The following SIDT2 variants were observed in gnomAD, a reference collection of about 807,000 sequenced individuals.
SIDT2 encodes SID1 transmembrane family member 2, also known as SID1 transmembrane family, member 2.
In SIDT2, 68 loss-of-function variants were observed where a neutral mutation model predicts 114.4. The ratio of observed to expected loss-of-function variants is 0.59; its 90% CI spans 0.49 to 0.73. SIDT2 has a LOEUF of 0.73. Among genes scored for constraint, SIDT2 ranks in the 30% least tolerant of loss-of-function variants. The pLI, the probability that SIDT2 is intolerant of heterozygous loss-of-function variation, is 0.00. For missense variants in SIDT2, 918 were observed against 1,097.1 expected, an observed-to-expected ratio of 0.84 and a Z score of 2.31; for synonymous variants, 470 against 438.4, an observed-to-expected ratio of 1.07 and a Z score of -0.90.
rs1265612810 is a variant in SIDT2 at position 117,187,706 on chromosome 11, G to T, written c.1159+7G>T. 1 of 1,613,702 alleles carries T rather than the reference G, an allele frequency of 6.2e-7. No individual in the cohort carries two copies. Among genetic ancestry groups the T allele is most frequent in the Admixed American group, 1.7e-5 (1 of 59,990 alleles). On this transcript the variant is annotated splice_region_variant and intron_variant, in intron 12 of 25. Coordinates refer to ENST00000324225, the MANE Select transcript of SIDT2 (RefSeq NM_001040455.2). ...CTCTCTTACGGTTACCAGGGTGAGT[G>T]GGCCAGGCTGGGAGGGGCGGTGTGG...
At chr11:117,193,395 CT>C in intron 23 of SIDT2, 137 bp downstream of exon 23, 1 of 781,870 alleles carries the variant, frequency 1.3e-6, no homozygotes, top group East Asian at 2.5e-5. Context: ...GCTAAAGCCT[CT>C]TGCATGGGCC....
In SIDT2 at chr11:117,189,410, G is replaced by A. The variant is rs2030619944; in HGVS notation, c.1419+9G>A. 2 of 1,613,632 alleles carry A rather than the reference G, an allele frequency of 1.2e-6. No homozygotes were observed. Among genetic ancestry groups the A allele is most frequent in the Non-Finnish European group, 1.7e-6 (2 of 1,179,772 alleles). On this transcript the variant is annotated intron_variant, in intron 15 of 25. Coordinates refer to ENST00000324225, the MANE Select transcript of SIDT2 (RefSeq NM_001040455.2). ...TGATCACCTACCAGACGGTGAGAGG[G>A]CAGGGCAGGTTCACCTTTCCGACAG...
At chr11:117,185,407 T>C (rs911114239) in intron 8 of SIDT2, among the ~76,000 whole-genome samples, 8 of 152,114 alleles carry the variant, frequency 5.3e-5, no homozygotes, top group African/African-American at 1.9e-4. Context: ...ACCTCCTATA[T>C]GCCAGGTGGT....
Position 117,190,490 on chromosome 11 carries a change from C to T in SIDT2, c.1618-133C>T, listed in dbSNP as rs1168366532. On this transcript the variant is annotated intron_variant, in intron 17 of 25. Transcript: ENST00000324225. This position sits in a 1 kb window ranked among gnomAD's most constrained non-coding sequence, Gnocchi z 4.1. ...TGCCAGCCTGCCCAGGCCAGCCCAC[C>T]CCTGCACACCCACACTCGACACATA... 3 of 1,080,150 alleles carry T rather than the reference C, an allele frequency of 2.8e-6. No homozygotes were observed. Among genetic ancestry groups the T allele is most frequent in the Non-Finnish European group, 2.6e-6 (2 of 755,014 alleles). The allele number at this position is 1,080,150 out of a possible 1,614,324, so 66.9% of individuals were successfully genotyped here.
chr11:117,186,755 T>C, intron 10 of SIDT2, 119 bp downstream of exon 10: 1 of 743,056 alleles, frequency 1.3e-6, no homozygotes, highest in East Asian at 3.9e-5. Flanking sequence ...GATGTTCAGA[T>C]GGGGGTAACA....
At chr11:117,182,875 G>T (rs2030349831) in intron 6 of SIDT2, 69 bp downstream of exon 6, 1 of 1,519,480 alleles carries the variant, frequency 6.6e-7, no homozygotes, top group African/African-American at 1.4e-5. Flanking sequence ...CCAAACTTGA[G>T]CTCTTCTTCC....
intron 1 of SIDT2, among the ~76,000 whole-genome samples, chr11:117,180,083 GAC>G (rs1002960283): frequency 2.6e-5 from 4 of 152,210 alleles, no homozygotes; most frequent in African/African-American, 9.6e-5. Context: ...AGTTGAAATA[GAC>G]ACAGCTAGTG....
chr11:117,182,487 A>G, intron 4 of SIDT2, 32 bp from the exon 5 acceptor site: 1 of 1,585,864 alleles, frequency 6.3e-7, no homozygotes, highest in Non-Finnish European at 8.7e-7. Context: ...TCCTCATGAG[A>G]TGGGGCTCTC....
Position 117,193,210 on chromosome 11 carries a change from T to G in SIDT2, c.2163T>G (p.Ile721Met). ...ATTTCGCTTCCTACTTGTTGGCCAT[T>G]GGCATCTGCAACCTGCTCCTTTACT... is the stretch of plus-strand genomic sequence containing the variant. ...PNDFASYLLAIGICNLLLYFA... is the reference protein window; with the variant it reads ...PNDFASYLLAMGICNLLLYFA... The change falls in exon 23 of 26, where the codon ATT (isoleucine) becomes ATG (methionine). Residue 721 changes from isoleucine to methionine, a missense_variant. Ile to Met is a conservative substitution (Grantham distance 10). Coordinates refer to ENST00000324225, the MANE Select transcript of SIDT2 (RefSeq NM_001040455.2). The G allele has an allele frequency of 6.2e-7, 1 of 1,614,096 alleles. No homozygotes were observed. The highest frequency in any genetic ancestry group is 1.7e-5 in the Admixed American group (1 of 60,018).
At chr11:117,189,828 G>T (rs1450023684) in intron 15 of SIDT2, 124 bp from the exon 16 acceptor site, 1 of 825,184 alleles carries the variant, frequency 1.2e-6, no homozygotes, top group Non-Finnish European at 2.0e-6. Context: ...CTGCGGTGCT[G>T]TGTATTCCCA....
chr11:117,179,392 C>T lies in SIDT2; in HGVS notation c.129C>T (p.Val43=). ...TTGAGCGCACCTACGTGGACGAGGT[C>T]AACAGCGAGCTGGTCAACATCTACA... ...AEFERTYVDE[V]NSELVNIYTF... is the part of the protein sequence containing the mutation. The change falls in exon 1 of 26, where the codon GTC becomes GTT. Residue 43 remains valine, a synonymous_variant. Transcript: ENST00000324225. 1 of 1,613,660 alleles carries T rather than the reference C, an allele frequency of 6.2e-7. No homozygotes were observed. Among genetic ancestry groups the T allele is most frequent in the Non-Finnish European group, 8.5e-7 (1 of 1,179,876 alleles).
At position 117,182,766 on chromosome 11, in the gene SIDT2, T is replaced by C. The variant is rs1024180687; in HGVS notation, c.662T>C (p.Met221Thr). The change falls in exon 6 of 26, where the codon ATG becomes ACG. Residue 221 changes from methionine to threonine, a missense_variant. Met to Thr is a moderately conservative substitution (Grantham distance 81, BLOSUM62 -1). Coordinates refer to ENST00000324225, the MANE Select transcript of SIDT2 (RefSeq NM_001040455.2). ...GACAACAACGTAGCCTTCATCGGCA[T>C]GTACCAGACGATGACCAAGAAGGCG... is the stretch of plus-strand genomic sequence containing the variant. ...DLDNNVAFIG[M>T]YQTMTKKAAI... The C allele has an allele frequency of 1.9e-6, 3 of 1,614,186 alleles. No individual in the cohort carries two copies. The highest frequency in any genetic ancestry group is 1.7e-6 in the Non-Finnish European group (2 of 1,180,020).
At chr11:117,184,294 G>A (rs1253934287) in intron 8 of SIDT2, among the ~76,000 whole-genome samples, 155 bp downstream of exon 8, 3 of 152,158 alleles carry the variant, frequency 2.0e-5, no homozygotes, top group Admixed American at 2.0e-4. Flanking sequence ...TTCTAGATGG[G>A]GAGGGCCGGG....
chr11:117,181,666 C>T lies in SIDT2; in HGVS notation c.305+129C>T, dbSNP rs1055703225. On this transcript the variant is annotated intron_variant, in intron 2 of 25. Coordinates refer to ENST00000324225, the MANE Select transcript of SIDT2 (RefSeq NM_001040455.2). ...GGGAGGCTGGTCAACAGCACAAGGG[C>T]CGAGTCCCACCAGCCGGGAGCTTGT... The T allele has an allele frequency of 4.5e-6, 7 of 1,566,790 alleles. No homozygotes were observed. In the African/African-American group the frequency reaches 9.5e-5, roughly 21 times the overall value.
At position 117,188,696 on chromosome 11, in the gene SIDT2, T is replaced by C; in HGVS notation, c.1160-12T>C. ...TCCACCGGTGCAACCCCTCCCTCCC[T>C]GCCCTTTCCAGGCCGCTCCTTTGAA... On this transcript the variant is annotated splice_polypyrimidine_tract_variant and intron_variant, in intron 12 of 25. Transcript: ENST00000324225. The surrounding 1 kb of genome is among the most constrained non-coding windows in gnomAD (Gnocchi z 4.0). 1 of 1,597,112 alleles carries C rather than the reference T, an allele frequency of 6.3e-7. No homozygotes were observed. The highest frequency in any genetic ancestry group is 8.6e-7 in the Non-Finnish European group (1 of 1,164,574).
chr11:117,192,711 G>T lies in SIDT2; in HGVS notation c.2058+61G>T. The T allele has an allele frequency of 6.2e-7, 1 of 1,612,230 alleles. No individual in the cohort carries two copies. Among genetic ancestry groups the T allele is most frequent in the Non-Finnish European group, 8.5e-7 (1 of 1,179,004 alleles). On this transcript the variant is annotated intron_variant, in intron 21 of 25. Coordinates refer to ENST00000324225, the MANE Select transcript of SIDT2 (RefSeq NM_001040455.2). The surrounding 1 kb of genome is among the most constrained non-coding windows in gnomAD (Gnocchi z 5.9). ...CTCCTTTCTTCCCTCTGATGGGGGA[G>T]TGGGGCTGGGCTGAGGACCCAGGGG...
chr11:117,187,993 G>A, intron 12 of SIDT2: 1 of 618,892 alleles, frequency 1.6e-6, no homozygotes, highest in Non-Finnish European at 3.0e-6. Flanking sequence ...TTGCCAATCA[G>A]TGCCTGCCGG....
In SIDT2 at chr11:117,187,301, A is replaced by G. The variant is rs1410724776; in HGVS notation, c.1016-77A>G. 5.7e-6 allele frequency: 8 copies of G among 1,405,144 alleles called. No individual in the cohort carries two copies. The Admixed American group carries it at 1.0e-4, about 18-fold the overall frequency. The allele number at this position is 1,405,144 out of a possible 1,614,324, so 87.0% of individuals were successfully genotyped here. On this transcript the variant is annotated intron_variant, in intron 10 of 25. Transcript: ENST00000324225. Reference sequence around the variant, plus strand: ...GCCTCCCTGTGGCTGTCTTCTCTGGACCTTTCTTTGTTCTTCTCCCTGGCT... The same window carrying G: ...GCCTCCCTGTGGCTGTCTTCTCTGGGCCTTTCTTTGTTCTTCTCCCTGGCT...
chr11:117,191,718 C>A, intron 18 of SIDT2, 160 bp from the exon 19 acceptor site: 5 of 933,644 alleles, frequency 5.4e-6, no homozygotes, highest in Admixed American at 2.4e-5. Context: ...GCAGGTACAA[C>A]TAAGGAACTG....
Sources: gnomAD v4.1 joint callset for allele counts (sites outside exome capture counted in the v4.1 genomes callset) on GRCh38, gnomAD v4.1.1 for gene constraint, Gnocchi (gnomAD v3.1) non-coding constraint, MANE v1.5 for transcripts, NCBI Gene and HGNC (gene_info 2026-07-23, HGNC 2026-07-21) for gene names.